The following OR51A7 variants were observed in gnomAD, a reference collection of about 807,000 sequenced individuals.
The protein encoded by OR51A7 is olfactory receptor family 51 subfamily A member 7.
For synonymous variants in OR51A7, 143 were observed against 135.5 expected, an observed-to-expected ratio of 1.05 and a Z score of -0.38; for missense variants, 409 against 374.5, an observed-to-expected ratio of 1.09 and a Z score of -0.76.
Position 4,908,315 on chromosome 11 carries a change from G to A in OR51A7, c.*7G>A, listed in dbSNP as rs761779070. The stretch of plus-strand genomic sequence containing the variant: ...TAATGTATGTGGGAGATAAGAACTT[G>A]AACAATTAGGTAATAAATTATCAAC... On this transcript the variant is annotated 3_prime_UTR_variant, in exon 2 of 2. Coordinates refer to ENST00000641490, the MANE Select transcript of OR51A7 (RefSeq NM_001004749.2). 11 of 1,607,878 alleles carry A rather than the reference G, an allele frequency of 6.8e-6. No homozygotes were observed. Among genetic ancestry groups the A allele is most frequent in the Non-Finnish European group, 3.4e-6 (4 of 1,174,686 alleles).
At position 4,907,588 on chromosome 11, in the gene OR51A7, G is replaced by C; in HGVS notation, c.219G>C (p.Leu73=). The change falls in exon 2 of 2, where the codon CTG becomes CTC. Residue 73 remains leucine (L), a synonymous_variant. Transcript: ENST00000641490. ...TGTTGGCTGTCTCTGACATGGGCCT[G>C]TCCCTCTCCTCCCTTCCTACCATGT... ...LAMLAVSDMG[L]SLSSLPTMLR... 1 of 1,613,982 alleles carries C rather than the reference G, an allele frequency of 6.2e-7. No homozygotes were observed. The highest frequency in any genetic ancestry group is 2.2e-5 in the East Asian group (1 of 44,862).
chr11:4,907,960 C>A lies in OR51A7; in HGVS notation c.591C>A (p.Ile197=). The A allele has an allele frequency of 6.2e-7, 1 of 1,614,096 alleles. No homozygotes were observed. The highest frequency in any genetic ancestry group is 1.1e-5 in the South Asian group (1 of 91,082). The change falls in exon 2 of 2, where the codon ATC becomes ATA. Residue 197 remains isoleucine, a synonymous_variant. Transcript: ENST00000641490. ...LACSDNKTNV[I]YGFFIALCTM... ...GCTCTGACAACAAGACCAATGTCAT[C>A]TATGGCTTCTTCATTGCTCTCTGTA...
At chr11:4,904,251 G>A (rs1850848407) in intron 1 of OR51A7, among the ~76,000 whole-genome samples, 1 of 152,050 alleles carries the variant, frequency 6.6e-6, no homozygotes. Flanking sequence ...GCAAACAACT[G>A]CTTAAGCAGC....
chr11:4,907,890 T>C lies in OR51A7; in HGVS notation c.521T>C (p.Leu174Pro). ...TTAAAATATTGTCAAAAGAATCTTC[T>C]TTCTCACTCATACTGTCTTCATCAG... ...RRLKYCQKNL[L>P]SHSYCLHQDT... The change falls in exon 2 of 2, where the codon CTT becomes CCT. Residue 174 changes from leucine (L) to proline (P), a missense_variant. Physicochemically the swap from Leu to Pro is moderately conservative, Grantham distance 98 (BLOSUM62 -3). Coordinates refer to ENST00000641490, the MANE Select transcript of OR51A7 (RefSeq NM_001004749.2). 1 of 1,614,038 alleles carries C rather than the reference T, an allele frequency of 6.2e-7. No homozygotes were observed. Among genetic ancestry groups the C allele is most frequent in the Non-Finnish European group, 8.5e-7 (1 of 1,180,000 alleles).
At chr11:4,904,362 C>G (rs1232386553) in intron 1 of OR51A7, among the ~76,000 whole-genome samples, 1 of 152,054 alleles carries the variant, frequency 6.6e-6, no homozygotes, top group Admixed American at 6.5e-5. Flanking sequence ...AATAGCAATT[C>G]TAAGTGGTAT....
intron 1 of OR51A7, 130 bp downstream of exon 1, chr11:4,903,974 G>C (rs982813031): frequency 6.6e-6 from 1 of 152,050 alleles, no homozygotes; most frequent in Non-Finnish European, 1.5e-5. Context: ...AAATATCGGG[G>C]TGTTTTTCTA....
chr11:4,907,976 G>T lies in OR51A7; in HGVS notation c.607G>T (p.Ala203Ser). The T allele has an allele frequency of 6.2e-7, 1 of 1,614,104 alleles. No homozygotes were observed. The highest frequency in any genetic ancestry group is 8.5e-7 in the Non-Finnish European group (1 of 1,180,016). ...KTNVIYGFFI[A>S]LCTMLDLALI... ...CAATGTCATCTATGGCTTCTTCATTGCTCTCTGTACTATGCTGGACTTGGC... is the reference window on the plus strand; with the variant it reads ...CAATGTCATCTATGGCTTCTTCATTTCTCTCTGTACTATGCTGGACTTGGC... The change falls in exon 2 of 2, where the codon GCT becomes TCT. Residue 203 changes from alanine to serine, a missense_variant. Transcript: ENST00000641490.
rs774541462 is a variant in OR51A7, at chr11:4,908,053, A to G, written c.684A>G (p.Ala228=). 8.1e-6 allele frequency: 13 copies of G among 1,614,028 alleles called. No individual in the cohort carries two copies. Among genetic ancestry groups the G allele is most frequent in the East Asian group, 2.2e-5 (1 of 44,896 alleles). ...VLILKTILSI[A]SLAERLKALN... is the part of the protein sequence containing the mutation. ...TCTTGAAGACTATACTCAGCATTGC[A>G]TCTTTGGCAGAGAGGCTTAAGGCCC... The change falls in exon 2 of 2, where the codon GCA becomes GCG. Residue 228 remains alanine, a synonymous_variant. Transcript: ENST00000641490.
In OR51A7 at chr11:4,908,478, A is replaced by G. The variant is rs1331669096; in HGVS notation, c.*170A>G. 1.5e-6 allele frequency: 1 copy of G among 659,750 alleles called. No homozygotes were observed. Among genetic ancestry groups the G allele is most frequent in the Non-Finnish European group, 2.6e-6 (1 of 378,504 alleles). The allele number at this position is 659,750 out of a possible 1,614,324, so 40.9% of individuals were successfully genotyped here. A position where few individuals can be genotyped will look rare whatever the true frequency, so the allele number is the denominator to read the frequency against. ...GAATATAACTGAACAGGATAGAAAAAAAAGTCAAGAGATATATAAGATATA... is the reference window on the plus strand; with the variant it reads ...GAATATAACTGAACAGGATAGAAAAGAAAGTCAAGAGATATATAAGATATA... On this transcript the variant is annotated 3_prime_UTR_variant, in exon 2 of 2. Transcript: ENST00000641490.
Position 4,908,230 on chromosome 11 carries a change from C to G in OR51A7, c.861C>G (p.Asn287Lys), listed in dbSNP as rs771047907. 7 of 1,614,100 alleles carry G rather than the reference C, an allele frequency of 4.3e-6. No homozygotes were observed. The highest frequency in any genetic ancestry group is 8.5e-7 in the Non-Finnish European group (1 of 1,180,006). Reference sequence around the variant, plus strand: ...TCTTGTTGGTGCCGCCCCTTATGAACCCCATTGTGTACTGTGTAAAGACTC... The same window carrying G: ...TCTTGTTGGTGCCGCCCCTTATGAAGCCCATTGTGTACTGTGTAAAGACTC... ...DMFLLVPPLM[N>K]PIVYCVKTRQ... The change falls in exon 2 of 2, where the codon AAC (asparagine) becomes AAG (lysine). Residue 287 changes from asparagine (N) to lysine (K), a missense_variant. By Grantham distance (94) the Asn-to-Lys change is moderately conservative. Coordinates refer to ENST00000641490, the MANE Select transcript of OR51A7 (RefSeq NM_001004749.2).
Position 4,908,348 on chromosome 11 carries a change from C to T in OR51A7, c.*40C>T. On this transcript the variant is annotated 3_prime_UTR_variant, in exon 2 of 2. Coordinates refer to ENST00000641490, the MANE Select transcript of OR51A7 (RefSeq NM_001004749.2). ...AGGTAATAAATTATCAACCAGTAGGCATTTACTGTCATTTGCTATGTGCTT... is the reference window on the plus strand; with the variant it reads ...AGGTAATAAATTATCAACCAGTAGGTATTTACTGTCATTTGCTATGTGCTT... The T allele has an allele frequency of 6.6e-7, 1 of 1,505,540 alleles. No individual in the cohort carries two copies. The highest frequency in any genetic ancestry group is 9.2e-7 in the Non-Finnish European group (1 of 1,083,758). The allele number at this position is 1,505,540 out of a possible 1,614,324, so 93.3% of individuals were successfully genotyped here.
At chr11:4,907,095 T>A (rs370515395) in intron 1 of OR51A7, among the ~76,000 whole-genome samples, 10 of 55,126 alleles carry the variant, frequency 1.8e-4, no homozygotes, top group South Asian at 7.7e-4. Flanking sequence ...AAACTCCCTC[T>A]AAAAAAAAAA....
rs749913407 is a variant in OR51A7 at position 4,908,366 on chromosome 11, A to T, written c.*58A>T. On this transcript the variant is annotated 3_prime_UTR_variant, in exon 2 of 2. Coordinates refer to ENST00000641490, the MANE Select transcript of OR51A7 (RefSeq NM_001004749.2). ...CAGTAGGCATTTACTGTCATTTGCT[A>T]TGTGCTTAATGCCATAGAAGTCACT... 2.1e-5 allele frequency: 29 copies of T among 1,394,370 alleles called. No individual in the cohort carries two copies. Among genetic ancestry groups the T allele is most frequent in the Non-Finnish European group, 2.3e-5 (23 of 985,642 alleles). The allele number at this position is 1,394,370 out of a possible 1,614,324, so 86.4% of individuals were successfully genotyped here.
rs751220231 is a variant in OR51A7, at chr11:4,907,332, G to C, written c.-31-7G>C. On this transcript the variant is annotated splice_polypyrimidine_tract_variant and splice_region_variant and intron_variant, in intron 1 of 1. Transcript: ENST00000641490. ...AGCATGACTGCTTTTCATTTATATG[G>C]TTTCAGATCCGGCTAACGAGCTCAT... 7.2e-7 allele frequency: 1 copy of C among 1,396,406 alleles called. No individual in the cohort carries two copies. The highest frequency in any genetic ancestry group is 1.0e-6 in the Non-Finnish European group (1 of 996,506). The allele number at this position is 1,396,406 out of a possible 1,614,324, so 86.5% of individuals were successfully genotyped here. A position where few individuals can be genotyped will look rare whatever the true frequency, so the allele number is the denominator to read the frequency against.
intron 1 of OR51A7, among the ~76,000 whole-genome samples, chr11:4,905,288 C>A (rs1356667754): frequency 6.6e-6 from 1 of 152,128 alleles, no homozygotes; most frequent in South Asian, 2.1e-4. Context: ...ATTAATGAGT[C>A]ATGCTCAAAC....
At chr11:4,904,357 C>A (rs779099239) in intron 1 of OR51A7, among the ~76,000 whole-genome samples, 35 of 152,074 alleles carry the variant, frequency 2.3e-4, no homozygotes, top group Non-Finnish European at 4.3e-4. Flanking sequence ...TAAAGAATAG[C>A]AATTCTAAGT....
At chr11:4,905,897 A>G (rs1850880585) in intron 1 of OR51A7, among the ~76,000 whole-genome samples, 1 of 152,172 alleles carries the variant, frequency 6.6e-6, no homozygotes, top group African/African-American at 2.4e-5. Context: ...TCTGTTTATT[A>G]TGTAGGCAAA....
Position 4,908,482 on chromosome 11 carries a change from G to A in OR51A7, c.*174G>A, listed in dbSNP as rs7941649. On this transcript the variant is annotated 3_prime_UTR_variant, in exon 2 of 2. Coordinates refer to ENST00000641490, the MANE Select transcript of OR51A7 (RefSeq NM_001004749.2). ...ATAACTGAACAGGATAGAAAAAAAA[G>A]TCAAGAGATATATAAGATATAGAGG... The A allele has an allele frequency of 0.77, 493,298 of 644,158 alleles. 192,627 individuals are homozygous for A. Among genetic ancestry groups the A allele is most frequent in the Middle Eastern group, 0.86 (2,082 of 2,424 alleles). 39.9% of individuals were successfully genotyped at this position (644,158 alleles called of 1,614,324 possible).
Position 4,907,543 on chromosome 11 carries a change from C to T in OR51A7, c.174C>T (p.Pro58=). 6.2e-7 allele frequency: 1 copy of T among 1,614,070 alleles called. No homozygotes were observed. The highest frequency in any genetic ancestry group is 8.5e-7 in the Non-Finnish European group (1 of 1,180,008). Residue 58 remains proline (P), a synonymous_variant, in exon 2 of 2, where the codon CCC becomes CCT. Transcript: ENST00000641490. ...IIKTEPSLHE[P]MYYFLAMLAV... is the part of the protein sequence containing the mutation. ...AGACAGAGCCCTCGCTTCATGAGCC[C>T]ATGTATTATTTCCTTGCCATGTTGG...
Sources: allele counts gnomAD v4.1 joint callset (sites outside exome capture counted in the v4.1 genomes callset), GRCh38; gene constraint gnomAD v4.1.1; transcripts MANE v1.5; gene names NCBI Gene and HGNC (gene_info 2026-07-23, HGNC 2026-07-21).